Variants in FRY observed in about 807,000 individuals in gnomAD.
FRY encodes protein furry homolog.
A neutral mutation model predicts 348.4 loss-of-function variants in FRY; 128 were observed. The ratio of observed to expected loss-of-function variants is 0.37; its 90% confidence interval spans 0.32 to 0.43. The LOEUF (loss-of-function observed/expected upper bound fraction) is 0.43, where lower values mean the gene tolerates loss of function less well. Among genes scored for constraint, FRY ranks in the 20% least tolerant of loss-of-function variants. The probability of loss-of-function intolerance (pLI) is 1.00; values close to 1 mark genes in which losing one functional copy is unlikely to be tolerated. For missense variants in FRY, 2,736 were observed against 3,695.2 expected (o/e 0.74, Z 6.73); for synonymous variants, 1,370 against 1,374.7 (o/e 1.00, Z 0.08).
chr13:32,237,366 T>C lies in FRY; in HGVS notation c.5811-13T>C. The C allele has an allele frequency of 6.2e-7, 1 of 1,613,430 alleles. No homozygotes were observed. The highest frequency in any genetic ancestry group is 1.7e-5 in the Admixed American group (1 of 60,022). ...GTTGGCATCCTATTAAACTTATTTA[T>C]TTTTATACCCAGCTCTTCCTCACCA... On this transcript the variant is annotated splice_polypyrimidine_tract_variant and intron_variant, in intron 43 of 60. Transcript: ENST00000542859. This position sits in a 1 kb window ranked among gnomAD's most constrained non-coding sequence, Gnocchi z 6.3.
chr13:32,166,007 G>A (rs1048599292), intron 17 of FRY, among the ~76,000 whole-genome samples: 7 of 152,172 alleles, frequency 4.6e-5, no homozygotes, highest in Non-Finnish European at 7.3e-5. Context: ...AGTGGCACAC[G>A]TGGCCTGTGC....
intron 4 of FRY, among the ~76,000 whole-genome samples, chr13:32,123,607 T>A (rs1878820203): frequency 6.6e-6 from 1 of 152,238 alleles, no homozygotes. Context: ...AATGTCCACC[T>A]CTGGTATGGT....
intron 29 of FRY, 70 bp from the exon 30 acceptor site, chr13:32,201,871 A>T: frequency 1.1e-6 from 1 of 883,252 alleles, no homozygotes; most frequent in Non-Finnish European, 1.9e-6. Flanking sequence ...CTAGAATTTT[A>T]AGAGGTAACA....
chr13:32,287,964 A>G (rs1163076193), intron 58 of FRY: 1 of 452,956 alleles, frequency 2.2e-6, no homozygotes, highest in Non-Finnish European at 3.8e-6. Context: ...TTACTGTTAC[A>G]TCTCTTAGCA....
intron 2 of FRY, among the ~76,000 whole-genome samples, chr13:32,099,430 CGT>C (rs1877004460): frequency 6.6e-6 from 1 of 150,638 alleles, no homozygotes; most frequent in Non-Finnish European, 1.5e-5. Context: ...AGCAATACCG[CGT>C]GAGTTGAGTC....
intron 1 of FRY, among the ~76,000 whole-genome samples, chr13:32,057,587 A>G (rs1225882615): frequency 6.6e-6 from 1 of 152,050 alleles, no homozygotes; most frequent in East Asian, 1.9e-4. Context: ...AACTAAACAC[A>G]CTCAGGAACT....
intron 28 of FRY, among the ~76,000 whole-genome samples, 198 bp downstream of exon 28, chr13:32,187,854 C>T: frequency 6.6e-6 from 1 of 152,056 alleles, no homozygotes; most frequent in East Asian, 1.9e-4. Context: ...TGACCATAAG[C>T]TGGGTCATAA....
Position 32,185,128 on chromosome 13 carries a change from A to G in FRY, c.3299A>G (p.Asn1100Ser). The G allele has an allele frequency of 1.9e-6, 3 of 1,614,084 alleles. No homozygotes were observed. The highest frequency in any genetic ancestry group is 2.5e-6 in the Non-Finnish European group (3 of 1,179,924). The change falls in exon 26 of 61, where the codon AAC (asparagine) becomes AGC (serine). Residue 1100 changes from asparagine to serine, a missense_variant. By Grantham distance (46) the Asn-to-Ser change is conservative (BLOSUM62 1). This residue lies in a region of FRY where 449 missense variants were observed against 576.9 expected (regional missense o/e 0.78). Transcript: ENST00000542859. Reference protein sequence around the residue: ...IRAHFSAMVANLIQCVPVHHR... With the variant: ...IRAHFSAMVASLIQCVPVHHR... ...GCACATTTTAGTGCAATGGTGGCCA[A>G]CTTGATTCAGTGTGTTCCAGGTACG...
chr13:32,164,043 G>C (rs1277605032), intron 17 of FRY, among the ~76,000 whole-genome samples: 1 of 152,172 alleles, frequency 6.6e-6, no homozygotes, highest in Non-Finnish European at 1.5e-5. Flanking sequence ...GTTCTCCTCA[G>C]GGGGAAGGAT....
chr13:32,061,015 C>A, intron 1 of FRY: 1 of 487,048 alleles, frequency 2.1e-6, no homozygotes, highest in Non-Finnish European at 4.3e-6. Context: ...AGCAACAGGA[C>A]CATGGAGCCC....
intron 11 of FRY, among the ~76,000 whole-genome samples, chr13:32,143,707 A>G (rs1239862857): frequency 6.6e-6 from 1 of 152,234 alleles, no homozygotes; most frequent in African/African-American, 2.4e-5. Flanking sequence ...AAGGAAATTC[A>G]CAAAGGAAAA....
intron 7 of FRY, among the ~76,000 whole-genome samples, chr13:32,127,602 C>T (rs1219105248): frequency 1.3e-5 from 2 of 151,960 alleles, no homozygotes; most frequent in Admixed American, 6.6e-5. Context: ...ACGTTGAAAC[C>T]CCGTCTCTAC....
At chr13:32,133,764 CTTTCTT>C (rs1485343614) in intron 8 of FRY, among the ~76,000 whole-genome samples, 1 of 108,480 alleles carries the variant, frequency 9.2e-6, no homozygotes, top group South Asian at 3.0e-4. Context: ...TTCTTTCTTT[CTTTCTT>C]TTTTTTTTTT....
intron 59 of FRY, chr13:32,292,167 G>A: frequency 3.4e-6 from 1 of 296,456 alleles, no homozygotes; most frequent in Non-Finnish European, 6.8e-6. Context: ...ATTTTTAGTG[G>A]AGACGATGTT....
chr13:32,214,268 T>A (rs973912192), intron 35 of FRY, among the ~76,000 whole-genome samples: 1 of 152,196 alleles, frequency 6.6e-6, no homozygotes, highest in Admixed American at 6.5e-5. Flanking sequence ...TATGGGTGCT[T>A]ACAGACACAC....
At chr13:32,145,746 T>G (rs1014143747) in intron 11 of FRY, among the ~76,000 whole-genome samples, 3 of 151,036 alleles carry the variant, frequency 2.0e-5, no homozygotes, top group Non-Finnish European at 3.0e-5. Context: ...GGGTTTCACC[T>G]TGTTAGCCAG....
chr13:32,268,507 T>A (rs9595233), intron 55 of FRY, among the ~76,000 whole-genome samples: 404 of 17,702 alleles, frequency 0.023, 1 homozygote, highest in Non-Finnish European at 0.028. Flanking sequence ...AAAAAAAAAA[T>A]ATATATATAT....
chr13:32,124,169 A>G, intron 4 of FRY, 117 bp from the exon 5 acceptor site: 1 of 707,254 alleles, frequency 1.4e-6, no homozygotes, highest in East Asian at 2.7e-5. Flanking sequence ...GTGCAATTAT[A>G]TAATTTTAAA....
intron 41 of FRY, among the ~76,000 whole-genome samples, 157 bp from the exon 42 acceptor site, chr13:32,234,417 T>A (rs2138444189): frequency 6.6e-6 from 1 of 152,086 alleles, no homozygotes; most frequent in African/African-American, 2.4e-5. Flanking sequence ...AGTGAGACCC[T>A]GTCTCAAAAA....
Sources: allele counts gnomAD v4.1 joint callset (sites outside exome capture counted in the v4.1 genomes callset), GRCh38; gene constraint gnomAD v4.1.1; regional missense constraint gnomAD v4.1.1; non-coding constraint Gnocchi (gnomAD v3.1); transcripts MANE v1.5; gene names NCBI Gene and HGNC (gene_info 2026-07-23, HGNC 2026-07-21).